The following KLHL14 variants were observed in gnomAD, a reference collection of about 807,000 sequenced individuals.
KLHL14 encodes kelch like family member 14.
A neutral mutation model predicts 64.3 loss-of-function variants in KLHL14; 22 were observed. That is an observed-to-expected ratio of 0.34 (90% CI 0.24 to 0.49). The LOEUF (loss-of-function observed/expected upper bound fraction) is 0.49. KLHL14 is among the 20% of genes least tolerant of loss of function. The pLI, the probability that KLHL14 is intolerant of heterozygous loss-of-function variation, is 0.99. For synonymous variants in KLHL14, 322 were observed against 333.4 expected, an observed-to-expected ratio of 0.97 and a Z score of 0.37; for missense variants, 661 against 789.0, an observed-to-expected ratio of 0.84 and a Z score of 1.94.
chr18:32,684,942 G>A (rs2049869153), intron 5 of KLHL14, among the ~76,000 whole-genome samples: 1 of 152,096 alleles, frequency 6.6e-6, no homozygotes, highest in African/African-American at 2.4e-5. Context: ...TAGGAGAGAT[G>A]GAGCTGCAAG....
rs780001902 is a variant in KLHL14, at chr18:32,769,782, C to T, written c.810G>A (p.Pro270=). Residue 270 remains proline (P), a synonymous_variant, in exon 2 of 9, where the codon CCG becomes CCA. Coordinates refer to ENST00000359358, the MANE Select transcript of KLHL14 (RefSeq NM_020805.3). Reference sequence around the variant, plus strand: ...GGACCCGCTCCACCAGCTCCGGGGCCGGGATGAGGGCGAAGCGGAGGCGCT... The same window carrying T: ...GGACCCGCTCCACCAGCTCCGGGGCTGGGATGAGGGCGAAGCGGAGGCGCT... The part of the protein sequence containing the change: ...LMKRLRFALI[P]APELVERVQS... 1.4e-5 allele frequency: 22 copies of T among 1,609,758 alleles called. No individual in the cohort carries two copies. The East Asian group carries it at 4.9e-4, about 36-fold the overall frequency.
Position 32,680,495 on chromosome 18 carries a change from G to C in KLHL14, c.1343C>G (p.Thr448Arg). Residue 448 changes from threonine (T) to arginine (R), a missense_variant, in exon 6 of 9, where the codon ACG becomes AGG. Thr to Arg is a moderately conservative substitution (Grantham distance 71). Around this residue, in one of 2 missense-constraint regions of KLHL14, gnomAD observed 330 missense variants for 450.0 expected, o/e 0.73. Coordinates refer to ENST00000359358, the MANE Select transcript of KLHL14 (RefSeq NM_020805.3). The surrounding 1 kb of genome is among the most constrained non-coding windows in gnomAD (Gnocchi z 4.8). ...LSSVECYNLE[T>R]NEWRYVSSLP... ...AGAGGACACATAGCGCCATTCATTC[G>C]TTTCTAGGTTATAGCACTCCACGCT... The C allele has an allele frequency of 6.2e-7, 1 of 1,613,900 alleles. No individual in the cohort carries two copies. The highest frequency in any genetic ancestry group is 8.5e-7 in the Non-Finnish European group (1 of 1,179,874).
chr18:32,714,158 T>C (rs562585205), intron 3 of KLHL14, among the ~76,000 whole-genome samples: 1 of 152,258 alleles, frequency 6.6e-6, no homozygotes, highest in Admixed American at 6.5e-5. Context: ...ACAAATGCAA[T>C]TTACTAATTG....
chr18:32,679,171 C>T (rs959234938), intron 7 of KLHL14, among the ~76,000 whole-genome samples: 6 of 152,138 alleles, frequency 3.9e-5, no homozygotes, highest in Non-Finnish European at 4.4e-5. Context: ...ATGAACTTGA[C>T]GAATGAACAT....
At chr18:32,695,382 A>G in intron 4 of KLHL14, 81 bp downstream of exon 4, 1 of 866,582 alleles carries the variant, frequency 1.2e-6, no homozygotes, top group Non-Finnish European at 2.0e-6. Context: ...TTCCACACTA[A>G]TTACAAAATG....
At chr18:32,750,021 T>C (rs1004373248) in intron 2 of KLHL14, among the ~76,000 whole-genome samples, 1 of 151,894 alleles carries the variant, frequency 6.6e-6, no homozygotes, top group Non-Finnish European at 1.5e-5. Context: ...TGTTCTCATA[T>C]GGTGAGGGGG....
intron 2 of KLHL14, among the ~76,000 whole-genome samples, chr18:32,762,699 C>T (rs1386537881): frequency 3.3e-5 from 5 of 152,010 alleles, no homozygotes; most frequent in Non-Finnish European, 7.4e-5. Flanking sequence ...ATCCTCCTAC[C>T]CATATCAAAA....
intron 4 of KLHL14, among the ~76,000 whole-genome samples, chr18:32,690,197 C>A (rs2049900537): frequency 6.6e-6 from 1 of 152,050 alleles, no homozygotes; most frequent in Non-Finnish European, 1.5e-5. Context: ...AAGGGGATGA[C>A]AGACAGTGAA....
intron 3 of KLHL14, among the ~76,000 whole-genome samples, chr18:32,728,665 G>A (rs1228098484): frequency 6.6e-6 from 1 of 152,068 alleles, no homozygotes; most frequent in Non-Finnish European, 1.5e-5. Flanking sequence ...TGTTGTAATG[G>A]TAAGGATGTA....
At chr18:32,750,380 A>G (rs2050245315) in intron 2 of KLHL14, among the ~76,000 whole-genome samples, 1 of 152,168 alleles carries the variant, frequency 6.6e-6, no homozygotes, top group African/African-American at 2.4e-5. Flanking sequence ...AGCGATTATT[A>G]TTATGTGTAA....
intron 3 of KLHL14, among the ~76,000 whole-genome samples, chr18:32,724,231 T>C (rs9953954): frequency 0.29 from 44,825 of 152,050 alleles, 6,867 homozygotes; most frequent in African/African-American, 0.37. Flanking sequence ...TCTTAAGTTT[T>C]CTCATATGTC....
intron 3 of KLHL14, among the ~76,000 whole-genome samples, chr18:32,699,927 AT>A (rs557703756): frequency 0.012 from 1,699 of 143,186 alleles, 13 homozygotes; most frequent in South Asian, 0.032. Flanking sequence ...CTGTTGGCAG[AT>A]TTTTTTTTTT....
At chr18:32,703,873 G>A (rs1052640753) in intron 3 of KLHL14, among the ~76,000 whole-genome samples, 1 of 152,108 alleles carries the variant, frequency 6.6e-6, no homozygotes, top group Non-Finnish European at 1.5e-5. Context: ...CTTTGGGAAT[G>A]AAAGCTGCCA....
At chr18:32,772,131 G>T in intron 1 of KLHL14, 1 of 264,772 alleles carries the variant, frequency 3.8e-6, no homozygotes, top group Non-Finnish European at 7.5e-6. Context: ...CCCGCCCGGG[G>T]GAGAGCCGCC....
intron 1 of KLHL14, chr18:32,772,191 G>A (rs1048674658): frequency 2.6e-6 from 1 of 388,912 alleles, no homozygotes; most frequent in Non-Finnish European, 5.3e-6. Flanking sequence ...CTTCCACTGC[G>A]GCTCACTCTG....
At chr18:32,713,375 C>G (rs2144502273) in intron 3 of KLHL14, among the ~76,000 whole-genome samples, 1 of 152,294 alleles carries the variant, frequency 6.6e-6, no homozygotes, top group East Asian at 1.9e-4. Context: ...CTTCAACTTG[C>G]TCAGGACAAA....
At chr18:32,721,697 C>G (rs531391434) in intron 3 of KLHL14, among the ~76,000 whole-genome samples, 4 of 152,294 alleles carry the variant, frequency 2.6e-5, no homozygotes, top group Non-Finnish European at 4.4e-5. Flanking sequence ...AAGTACCAAT[C>G]TGAAATTCTT....
At chr18:32,686,177 A>ATTTTTTTTTTTTTTTTTTT (rs148393455) in intron 5 of KLHL14, among the ~76,000 whole-genome samples, 10 of 107,676 alleles carry the variant, frequency 9.3e-5, no homozygotes, top group African/African-American at 1.1e-4. Context: ...GTGCCCGGCT[A>ATTTTTTTTTTTTTTTTTTT]TTTTTTTTTT....
At chr18:32,709,413 T>C (rs2050007259) in intron 3 of KLHL14, among the ~76,000 whole-genome samples, 1 of 152,106 alleles carries the variant, frequency 6.6e-6, no homozygotes, top group Admixed American at 6.6e-5. Context: ...TCCCTTACCC[T>C]TCTTTTGTGA....
Sources: allele counts gnomAD v4.1 joint callset (sites outside exome capture counted in the v4.1 genomes callset), GRCh38; gene constraint gnomAD v4.1.1; regional missense constraint gnomAD v4.1.1; non-coding constraint Gnocchi (gnomAD v3.1); transcripts MANE v1.5; gene names NCBI Gene and HGNC (gene_info 2026-07-23, HGNC 2026-07-21).